Variants in NFATC2 observed in about 807,000 individuals in gnomAD.
NFATC2 encodes the protein nuclear factor of activated T-cells, cytoplasmic 2.
Under a neutral mutation model 87.3 loss-of-function variants are expected in NFATC2, and 22 were observed. That is an observed-to-expected ratio of 0.25 (90% CI 0.18 to 0.36). NFATC2 has a LOEUF of 0.36. Ranked by LOEUF, NFATC2 falls within the 10% of genes least tolerant of loss-of-function variation. The pLI, the probability that NFATC2 is intolerant of heterozygous loss-of-function variation, is 1.00. For synonymous variants in NFATC2, 565 were observed against 542.2 expected, an observed-to-expected ratio of 1.04 and a Z score of -0.58; for missense variants, 1,149 against 1,259.1, an observed-to-expected ratio of 0.91 and a Z score of 1.32.
intron 1 of NFATC2, among the ~76,000 whole-genome samples, chr20:51,540,659 T>TTG (rs1555818329): frequency 3.0e-5 from 3 of 100,104 alleles, no homozygotes; most frequent in East Asian, 4.2e-4. Flanking sequence ...TTTTTTTTTG[T>TTG]TTTTTTTTTT....
chr20:51,543,975 ATTTTTTTTTTTTTT>A (rs11473264), upstream of NFATC2, among the ~76,000 whole-genome samples: 14 of 72,978 alleles, frequency 1.9e-4, no homozygotes, highest in Admixed American at 6.1e-4. Context: ...AGAATTCCTA[ATTTTTTTTTTTTTT>A]TTTTTTTTTT....
chr20:51,449,330 G>A (rs1310875934), intron 6 of NFATC2, among the ~76,000 whole-genome samples: 2 of 152,156 alleles, frequency 1.3e-5, no homozygotes, highest in Non-Finnish European at 2.9e-5. Flanking sequence ...AGCAGGACCA[G>A]CAAATGCAAG....
chr20:51,528,407 C>G (rs543633119), intron 1 of NFATC2, among the ~76,000 whole-genome samples: 21 of 127,654 alleles, frequency 1.6e-4, no homozygotes, highest in Non-Finnish European at 3.1e-4. Context: ...GAGATGTACA[C>G]ACAATGTACA....
rs145584856 is a variant in NFATC2, at chr20:51,418,435, T to A, written c.2722+13632A>T. Among the ~76,000 whole-genome samples, 471 of 152,330 alleles carry A rather than the reference T, an allele frequency of 3.1e-3. 3 individuals are homozygous for A. Among genetic ancestry groups the A allele is most frequent in the African/African-American group, 0.011 (456 of 41,568 alleles). On this transcript the variant is annotated intron_variant, in intron 9 of 10. Coordinates refer to ENST00000371564, the MANE Select transcript of NFATC2 (RefSeq NM_012340.5). ...AGGAACGCTGGTACACATCCTTTCA[T>A]GCACAGGATAGCCCCTCACAACAGA... is the stretch of plus-strand genomic sequence containing the variant.
At chr20:51,464,283 C>T (rs1249434707) in intron 5 of NFATC2, among the ~76,000 whole-genome samples, 3 of 152,248 alleles carry the variant, frequency 2.0e-5, no homozygotes, top group Non-Finnish European at 2.9e-5. Flanking sequence ...TGTGGGATCA[C>T]GTCTGGCACT....
Position 51,398,221 on chromosome 20 carries a change from T to G in NFATC2, c.*44+422A>C, listed in dbSNP as rs191716586. Among the ~76,000 whole-genome samples the G allele has an allele frequency of 1.3e-3, 191 of 152,306 alleles. 1 individual carries two copies. The highest frequency in any genetic ancestry group is 4.4e-3 in the African/African-American group (181 of 41,572). ...TAAGCACAGGGCGGGGCTTCCTCAG[T>G]GGCTTCTTAGGTAGGTTTTCGGACC... is the stretch of plus-strand genomic sequence containing the variant. On this transcript the variant is annotated intron_variant, in intron 10 of 10. Coordinates refer to ENST00000371564, the MANE Select transcript of NFATC2 (RefSeq NM_012340.5).
Position 51,542,645 on chromosome 20 carries a change from C to T in NFATC2, c.-146G>A, listed in dbSNP as rs2076840306. ...ACGCACGCCGGGTCCGGGGACGGCGCGCCTGGCGCAGCGGGTCCTGGACGC... is the reference window on the plus strand; with the variant it reads ...ACGCACGCCGGGTCCGGGGACGGCGTGCCTGGCGCAGCGGGTCCTGGACGC... On this transcript the variant is annotated 5_prime_UTR_variant, in exon 1 of 11. Transcript: ENST00000371564. 1.3e-5 allele frequency: 15 copies of T among 1,175,610 alleles called. No homozygotes were observed. The highest frequency in any genetic ancestry group is 3.2e-5 in the African/African-American group (2 of 61,820). 72.8% of individuals were successfully genotyped at this position (1,175,610 alleles called of 1,614,324 possible).
In NFATC2 at chr20:51,524,466, C is replaced by T. The variant is rs1469328457; in HGVS notation, c.131-356G>A. Among the ~76,000 whole-genome samples, 1 of 152,170 alleles carries T rather than the reference C, an allele frequency of 6.6e-6. No homozygotes were observed. Among genetic ancestry groups the T allele is most frequent in the Non-Finnish European group, 1.5e-5 (1 of 68,026 alleles). On this transcript the variant is annotated intron_variant, in intron 1 of 10. Coordinates refer to ENST00000371564, the MANE Select transcript of NFATC2 (RefSeq NM_012340.5). This position sits in a 1 kb window ranked among gnomAD's most constrained non-coding sequence, Gnocchi z 4.0. ...CAAAAGCCTCTCGAGTCAATACTTA[C>T]CCCTGCTACATGACACCCTCAGACC...
rs375392826 is a variant in NFATC2, at chr20:51,435,169, C to A, written c.2032+19G>T. 757 of 1,613,438 alleles carry A rather than the reference C, an allele frequency of 4.7e-4. 1 individual carries two copies. The highest frequency in any genetic ancestry group is 5.8e-4 in the Admixed American group (35 of 59,972). ...TACTGCCTCTCAATAACAAAGGGGTCATCAGAAACACTCCTTACCTGGGTG... is the reference window on the plus strand; with the variant it reads ...TACTGCCTCTCAATAACAAAGGGGTAATCAGAAACACTCCTTACCTGGGTG... On this transcript the variant is annotated intron_variant, in intron 8 of 10. Coordinates refer to ENST00000371564, the MANE Select transcript of NFATC2 (RefSeq NM_012340.5).
intron 9 of NFATC2, among the ~76,000 whole-genome samples, chr20:51,402,642 G>C (rs1027563237): frequency 2.0e-5 from 3 of 152,244 alleles, no homozygotes; most frequent in Admixed American, 1.3e-4. Flanking sequence ...CCCTCTGGGG[G>C]TTAGAGGAAT....
upstream of NFATC2, among the ~76,000 whole-genome samples, chr20:51,547,625 T>C (rs977969014): frequency 6.6e-6 from 1 of 152,154 alleles, no homozygotes; most frequent in Non-Finnish European, 1.5e-5. Flanking sequence ...CACGGGAGCA[T>C]CTAACAGGCA....
At chr20:51,528,853 C>T (rs1176977671) in intron 1 of NFATC2, among the ~76,000 whole-genome samples, 1 of 152,216 alleles carries the variant, frequency 6.6e-6, no homozygotes, top group Non-Finnish European at 1.5e-5. Context: ...CTGGAGGCCT[C>T]AACACCTTCT....
At chr20:51,437,041 G>A (rs1385946156) in intron 6 of NFATC2, among the ~76,000 whole-genome samples, 1 of 148,692 alleles carries the variant, frequency 6.7e-6, no homozygotes, top group Non-Finnish European at 1.5e-5. Context: ...TGATGAAGAG[G>A]TTTTGCTCAG....
At chr20:51,397,225 C>G (rs1381629850) in intron 10 of NFATC2, among the ~76,000 whole-genome samples, 1 of 152,208 alleles carries the variant, frequency 6.6e-6, no homozygotes, top group Non-Finnish European at 1.5e-5. Flanking sequence ...AGGCCTGTTA[C>G]TTGAAACAGA....
At chr20:51,481,513 T>C (rs1989254413) in intron 3 of NFATC2, among the ~76,000 whole-genome samples, 1 of 152,018 alleles carries the variant, frequency 6.6e-6, no homozygotes. Context: ...GTTTTCTGCT[T>C]CTTGTAATTT....
chr20:51,506,082 C>T (rs149184430), intron 3 of NFATC2, among the ~76,000 whole-genome samples: 163 of 152,360 alleles, frequency 1.1e-3, no homozygotes, highest in African/African-American at 3.5e-3. Flanking sequence ...AAGAGCAATG[C>T]AACCTTGAAA....
intron 3 of NFATC2, among the ~76,000 whole-genome samples, chr20:51,482,516 A>G (rs568472603): frequency 2.0e-5 from 3 of 152,186 alleles, no homozygotes; most frequent in Non-Finnish European, 4.4e-5. Context: ...CTGTTTTATT[A>G]TTCATTTTAT....
chr20:51,526,039 C>G (rs1018181712), intron 1 of NFATC2, among the ~76,000 whole-genome samples: 1 of 151,916 alleles, frequency 6.6e-6, no homozygotes, highest in Non-Finnish European at 1.5e-5. Context: ...CCTGGAAACC[C>G]TCCCCGCGAG....
Position 51,480,329 on chromosome 20 carries a change from T to TG in NFATC2, c.1333-4670dup, listed in dbSNP as rs754526976. Reference sequence around the variant, plus strand: ...GCTTCCTGCCGCACAGGAGAGAGAGTGGGGCAGGAAGGAGGGAGAAAAGAA... The same window carrying TG: ...GCTTCCTGCCGCACAGGAGAGAGAGTGGGGGCAGGAAGGAGGGAGAAAAGAA... On this transcript the variant is annotated intron_variant, in intron 3 of 10. Coordinates refer to ENST00000371564, the MANE Select transcript of NFATC2 (RefSeq NM_012340.5). The surrounding 1 kb of genome is among the most constrained non-coding windows in gnomAD (Gnocchi z 4.2). Among the ~76,000 whole-genome samples, 66 of 150,428 alleles carry TG rather than the reference T, an allele frequency of 4.4e-4. No homozygotes were observed. The highest frequency in any genetic ancestry group is 8.6e-4 in the Non-Finnish European group (58 of 67,612).
Sources: gnomAD v4.1 joint callset for allele counts (sites outside exome capture counted in the v4.1 genomes callset) on GRCh38, gnomAD v4.1.1 for gene constraint, Gnocchi (gnomAD v3.1) non-coding constraint, MANE v1.5 for transcripts, NCBI Gene and HGNC (gene_info 2026-07-23, HGNC 2026-07-21) for gene names.